Variants in COL25A1 observed in about 807,000 individuals in gnomAD.
COL25A1 encodes collagen alpha-1(XXV) chain.
COL25A1 carries 103 observed loss-of-function variants against 128.4 expected under a neutral mutation model. That is an observed-to-expected ratio of 0.80 (90% CI 0.68 to 0.94). COL25A1 has a LOEUF of 0.94. Among genes scored for constraint, COL25A1 ranks in the 40% least tolerant of loss-of-function variants. COL25A1 has a pLI of 0.00. For missense variants in COL25A1, 745 were observed against 840.0 expected (o/e 0.89, Z 1.40); for synonymous variants, 279 against 277.2 (o/e 1.01, Z -0.06).
At chr4:109,031,283 G>GT (rs1205287325) in intron 5 of COL25A1, among the ~76,000 whole-genome samples, 1 of 151,150 alleles carries the variant, frequency 6.6e-6, no homozygotes, top group African/African-American at 2.4e-5. Context: ...GGCTAATTTT[G>GT]TTTTTTGTAT....
At chr4:109,013,190 A>C (rs1198302176) in intron 5 of COL25A1, among the ~76,000 whole-genome samples, 1 of 152,194 alleles carries the variant, frequency 6.6e-6, no homozygotes, top group Admixed American at 6.5e-5. Flanking sequence ...TAAACGCACC[A>C]ATCAGTGCTC....
chr4:108,968,199 A>C (rs1446923872), intron 8 of COL25A1, among the ~76,000 whole-genome samples: 1 of 152,144 alleles, frequency 6.6e-6, no homozygotes, highest in Non-Finnish European at 1.5e-5. Flanking sequence ...TACACCTAAA[A>C]CTGTAGGCCT....
intron 3 of COL25A1, among the ~76,000 whole-genome samples, chr4:109,230,422 T>G (rs1393441225): frequency 6.6e-6 from 1 of 152,244 alleles, no homozygotes; most frequent in East Asian, 1.9e-4. Flanking sequence ...CAGTGTTATT[T>G]GTAACATTTT....
intron 8 of COL25A1, among the ~76,000 whole-genome samples, chr4:108,972,020 C>G (rs531627981): frequency 6.6e-6 from 1 of 152,096 alleles, no homozygotes; most frequent in Non-Finnish European, 1.5e-5. Context: ...TTTCCAGCTT[C>G]GATTTACCTC....
chr4:109,259,582 T>C, intron 3 of COL25A1, among the ~76,000 whole-genome samples: 1 of 152,284 alleles, frequency 6.6e-6, no homozygotes. Context: ...ACACAAGGCA[T>C]TACCCTAGTT....
chr4:108,889,725 A>G lies in COL25A1; in HGVS notation c.915T>C (p.Pro305=). 6.2e-7 allele frequency: 1 copy of G among 1,613,534 alleles called. No individual in the cohort carries two copies. Among genetic ancestry groups the G allele is most frequent in the Non-Finnish European group, 8.5e-7 (1 of 1,179,560 alleles). The part of the protein sequence containing the change: ...PKGDTGEKGD[P]GSSAAGIKGE... ...CCTTAATTCCTGCAGCAGATGATCC[A>G]GGGTCACCCTAAAACGAAACCCAGG... is the stretch of plus-strand genomic sequence containing the variant. Residue 305 remains proline, a synonymous_variant, in exon 17 of 38, where the codon CCT becomes CCC. Transcript: ENST00000399132.
intron 3 of COL25A1, among the ~76,000 whole-genome samples, chr4:109,283,136 T>C (rs1022543084): frequency 1.1e-4 from 17 of 152,220 alleles, no homozygotes; most frequent in African/African-American, 4.1e-4. Context: ...GAGAAATTTA[T>C]ATAAAATATA....
At chr4:109,032,759 C>T (rs2125917097) in intron 5 of COL25A1, among the ~76,000 whole-genome samples, 1 of 152,300 alleles carries the variant, frequency 6.6e-6, no homozygotes, top group East Asian at 1.9e-4. Context: ...TAAATTACCT[C>T]TATTGATGAG....
At chr4:108,960,145 T>C (rs1338398381) in intron 8 of COL25A1, among the ~76,000 whole-genome samples, 1 of 152,124 alleles carries the variant, frequency 6.6e-6, no homozygotes, top group East Asian at 1.9e-4. Flanking sequence ...TGTTTATCTA[T>C]GCCAGAAAAT....
chr4:109,148,217 T>C (rs1306909889), intron 3 of COL25A1, among the ~76,000 whole-genome samples: 1 of 152,190 alleles, frequency 6.6e-6, no homozygotes, highest in Non-Finnish European at 1.5e-5. Context: ...ATCTAGAACT[T>C]TGGCAAATCT....
chr4:109,041,557 ACAGTGGAGACTTAGGG>A (rs1452294498), intron 5 of COL25A1, among the ~76,000 whole-genome samples: 13 of 152,192 alleles, frequency 8.5e-5, no homozygotes, highest in African/African-American at 3.1e-4. Context: ...TTCCAGTAGG[ACAGTGGAGACTTAGGG>A]CAGTGGAGAC....
At chr4:108,938,969 A>G (rs192899939) in intron 10 of COL25A1, among the ~76,000 whole-genome samples, 1 of 152,246 alleles carries the variant, frequency 6.6e-6, no homozygotes, top group African/African-American at 2.4e-5. Context: ...AATTTGTCCT[A>G]TGTGTAGAAA....
chr4:109,258,014 A>T (rs897318660), intron 3 of COL25A1, among the ~76,000 whole-genome samples: 1 of 152,160 alleles, frequency 6.6e-6, no homozygotes, highest in African/African-American at 2.4e-5. Flanking sequence ...ACCTAAGGAG[A>T]CATCTATAAA....
At chr4:108,814,458 G>A (rs139696079) in intron 37 of COL25A1, among the ~76,000 whole-genome samples, 2 of 152,098 alleles carry the variant, frequency 1.3e-5, no homozygotes, top group African/African-American at 4.8e-5. Context: ...TGAATGTTGT[G>A]CAAGGTAGAC....
intron 19 of COL25A1, among the ~76,000 whole-genome samples, chr4:108,881,458 T>C (rs1340154807): frequency 6.6e-6 from 1 of 152,288 alleles, no homozygotes; most frequent in Admixed American, 6.5e-5. Flanking sequence ...AGGAGATGAA[T>C]AGCAACAGGA....
chr4:108,896,356 C>T (rs1742140787), intron 16 of COL25A1, among the ~76,000 whole-genome samples: 1 of 152,046 alleles, frequency 6.6e-6, no homozygotes, highest in Non-Finnish European at 1.5e-5. Flanking sequence ...ATAAAGGGAG[C>T]GTCCCATTTA....
At chr4:109,105,253 C>G (rs932983561) in intron 3 of COL25A1, among the ~76,000 whole-genome samples, 13 of 152,166 alleles carry the variant, frequency 8.5e-5, no homozygotes, top group Admixed American at 1.3e-4. Flanking sequence ...GCAGGTGGAT[C>G]ACTTGAGGTC....
chr4:108,942,265 G>A (rs886575662), intron 8 of COL25A1: 11 of 1,550,162 alleles, frequency 7.1e-6, no homozygotes, highest in Admixed American at 2.0e-5. Context: ...AAGCCTGGCA[G>A]GCCCTATGGA....
At chr4:109,040,610 A>T (rs113214096) in intron 5 of COL25A1, among the ~76,000 whole-genome samples, 2 of 152,210 alleles carry the variant, frequency 1.3e-5, no homozygotes, top group African/African-American at 4.8e-5. Context: ...AATTAGTCCC[A>T]TAAGATATTT....
Sources: gnomAD v4.1 joint callset for allele counts (sites outside exome capture counted in the v4.1 genomes callset) on GRCh38, gnomAD v4.1.1 for gene constraint, MANE v1.5 for transcripts, NCBI Gene and HGNC (gene_info 2026-07-23, HGNC 2026-07-21) for gene names.